SLC4A5: variants seen among roughly 807,000 people sequenced by gnomAD.
The protein encoded by SLC4A5 is solute carrier family 4 member 5.
In SLC4A5, 96 loss-of-function variants were observed where a neutral mutation model predicts 120.4. The ratio of observed to expected loss-of-function variants is 0.80; its 90% confidence interval spans 0.68 to 0.94. The LOEUF is 0.94. Ranked by LOEUF, SLC4A5 falls within the 40% of genes least tolerant of loss-of-function variation. SLC4A5 has a pLI of 0.00. For missense variants in SLC4A5, 1,259 were observed against 1,459.5 expected (o/e 0.86, Z 2.24); for synonymous variants, 550 against 571.1 (o/e 0.96, Z 0.53).
intron 5 of SLC4A5, 49 bp from the exon 6 acceptor site, chr2:74,315,074 T>C (rs747234322): frequency 4.9e-5 from 72 of 1,478,384 alleles, no homozygotes; most frequent in South Asian, 1.0e-4. Context: ...TTAAAAAGGG[T>C]AGGATTTCAA....
chr2:74,277,424 C>A (rs937299215), intron 8 of SLC4A5, among the ~76,000 whole-genome samples: 1 of 152,170 alleles, frequency 6.6e-6, no homozygotes, highest in Non-Finnish European at 1.5e-5. Flanking sequence ...TGGTGGGCGC[C>A]TGTAATCCCA....
intron 6 of SLC4A5, among the ~76,000 whole-genome samples, chr2:74,314,469 C>T (rs943411102): frequency 2.0e-5 from 3 of 152,152 alleles, no homozygotes; most frequent in East Asian, 1.9e-4. Flanking sequence ...TGGCAGTAGC[C>T]GCCCATCTGA....
exon 21 of SLC4A5, chr2:74,239,423 G>A (rs374606592): frequency 1.1e-5 from 17 of 1,614,186 alleles, no homozygotes; most frequent in Middle Eastern, 3.3e-4. Context: ...GGACATGAGC[G>A]CCAGGTCTGG....
At chr2:74,249,134 T>C (rs1481710280) in intron 17 of SLC4A5, among the ~76,000 whole-genome samples, 2 of 152,188 alleles carry the variant, frequency 1.3e-5, no homozygotes, top group Non-Finnish European at 2.9e-5. Flanking sequence ...CTCCCAGTTA[T>C]AACAATGAAA....
At chr2:74,289,559 C>T (rs1037075940) in intron 7 of SLC4A5, among the ~76,000 whole-genome samples, 1 of 152,162 alleles carries the variant, frequency 6.6e-6, no homozygotes, top group Non-Finnish European at 1.5e-5. Context: ...TCAAGAAATC[C>T]ACCTGCTTCA....
intron 8 of SLC4A5, among the ~76,000 whole-genome samples, chr2:74,280,240 T>C (rs76743696): frequency 0.015 from 2,342 of 152,186 alleles, 34 homozygotes; most frequent in African/African-American, 0.033. Flanking sequence ...CCCCCTTCCC[T>C]ACCCTCTCCT....
At chr2:74,274,025 C>T (rs1156266961) in intron 8 of SLC4A5, among the ~76,000 whole-genome samples, 10 of 152,222 alleles carry the variant, frequency 6.6e-5, no homozygotes, top group East Asian at 1.9e-4. Context: ...ATTAGCCAGG[C>T]GTGGTTGTGC....
chr2:74,336,032 A>G (rs10196196), intron 3 of SLC4A5, among the ~76,000 whole-genome samples: 8,066 of 152,194 alleles, frequency 0.053, 720 homozygotes, highest in African/African-American at 0.18. Flanking sequence ...TACCTCAATT[A>G]ATCCTCACAG....
chr2:74,248,517 T>C (rs774260864), intron 17 of SLC4A5, 31 bp from the exon 18 acceptor site: 6 of 1,612,286 alleles, frequency 3.7e-6, no homozygotes, highest in East Asian at 2.2e-5. Context: ...TGGTTCAGCA[T>C]AGGAAGGAGA....
chr2:74,223,153 C>T (rs1694716307), intron 28 of SLC4A5, among the ~76,000 whole-genome samples: 1 of 151,952 alleles, frequency 6.6e-6, no homozygotes, highest in Non-Finnish European at 1.5e-5. Context: ...TACAGGCGTG[C>T]ACCCCCATAC....
chr2:74,235,111 C>A (rs747512987), exon 22 of SLC4A5: 1 of 1,613,980 alleles, frequency 6.2e-7, no homozygotes, highest in South Asian at 1.1e-5. Flanking sequence ...CTTGATGACA[C>A]TGGGCACATG....
chr2:74,252,501 CAA>C, intron 15 of SLC4A5, 113 bp from the exon 16 acceptor site: 1 of 1,275,076 alleles, frequency 7.8e-7, no homozygotes, highest in Non-Finnish European at 1.1e-6. Context: ...AATTGTCTAA[CAA>C]TATCCACACG....
At chr2:74,291,191 C>T (rs563654322) in intron 7 of SLC4A5, among the ~76,000 whole-genome samples, 1 of 152,352 alleles carries the variant, frequency 6.6e-6, no homozygotes, top group Admixed American at 6.5e-5. Flanking sequence ...TGTCACCACT[C>T]GGCAGGTGTT....
chr2:74,284,278 G>A (rs1671910226), intron 8 of SLC4A5, among the ~76,000 whole-genome samples: 1 of 98,362 alleles, frequency 1.0e-5, no homozygotes, highest in Non-Finnish European at 1.7e-5. Flanking sequence ...CCGGGTTCAC[G>A]CCATTCTCCT....
chr2:74,296,035 TG>T (rs1672314276), intron 7 of SLC4A5, among the ~76,000 whole-genome samples: 1 of 152,220 alleles, frequency 6.6e-6, no homozygotes, highest in African/African-American at 2.4e-5. Flanking sequence ...GGATTTTCAT[TG>T]GTTCACTTGC....
At chr2:74,327,644 TC>T (rs1485420859) in intron 5 of SLC4A5, among the ~76,000 whole-genome samples, 4 of 152,348 alleles carry the variant, frequency 2.6e-5, no homozygotes, top group African/African-American at 9.6e-5. Context: ...TTATTCTGTT[TC>T]TATCCTGAGA....
At chr2:74,292,569 C>G (rs1672206850) in intron 7 of SLC4A5, among the ~76,000 whole-genome samples, 1 of 152,208 alleles carries the variant, frequency 6.6e-6, no homozygotes, top group Non-Finnish European at 1.5e-5. Context: ...GCCAGCCCAA[C>G]TATAGGAATG....
intron 14 of SLC4A5, among the ~76,000 whole-genome samples, 167 bp downstream of exon 14, chr2:74,254,452 A>G (rs1670894428): frequency 6.6e-6 from 1 of 152,184 alleles, no homozygotes; most frequent in African/African-American, 2.4e-5. Context: ...GGTTCTCCTA[A>G]AGGACAATGA....
At chr2:74,233,361 G>T in intron 23 of SLC4A5, 41 bp downstream of exon 23, 1 of 1,607,686 alleles carries the variant, frequency 6.2e-7, no homozygotes, top group Non-Finnish European at 8.5e-7. Context: ...GACTTTGTGG[G>T]AAGAAAGAGG....
Sources: gnomAD v4.1 joint callset for allele counts (sites outside exome capture counted in the v4.1 genomes callset) on GRCh38, gnomAD v4.1.1 for gene constraint, MANE v1.5 for transcripts, NCBI Gene and HGNC (gene_info 2026-07-23, HGNC 2026-07-21) for gene names.